TMEM86A: variants seen among roughly 807,000 people sequenced by gnomAD.
The protein encoded by TMEM86A is transmembrane protein 86A.
In TMEM86A, 13 loss-of-function variants were observed where a neutral mutation model predicts 19.8. That is an observed-to-expected ratio of 0.66 (90% CI 0.43 to 1.04). The LOEUF is 1.04. Among genes scored for constraint, TMEM86A ranks in the 50% least tolerant of loss-of-function variants. TMEM86A has a pLI of 0.00. For synonymous variants in TMEM86A, 128 were observed against 129.9 expected (o/e 0.99, Z 0.10); for missense variants, 248 against 306.8 (o/e 0.81, Z 1.43).
At position 18,701,452 on chromosome 11, in the gene TMEM86A, A is replaced by T. The variant is rs778529605; in HGVS notation, c.287-121A>T. On this transcript the variant is annotated intron_variant, in intron 2 of 2. Transcript: ENST00000280734. The surrounding 1 kb of genome is among the most constrained non-coding windows in gnomAD (Gnocchi z 5.3). ...GATCTTCCTACCCCTGTTATCCCAA[A>T]GCAAAGCTGCTGGGTTATCCCAAAC... 26 of 1,206,526 alleles carry T rather than the reference A, an allele frequency of 2.2e-5. No homozygotes were observed. Among genetic ancestry groups the T allele is most frequent in the Non-Finnish European group, 3.0e-5 (26 of 863,150 alleles). 74.7% of individuals were successfully genotyped at this position (1,206,526 alleles called of 1,614,324 possible).
chr11:18,700,652 T>C, intron 1 of TMEM86A: 1 of 521,142 alleles, frequency 1.9e-6, no homozygotes. Context: ...AAAGGGGCCC[T>C]GAGGAGGGAG....
chr11:18,701,920 A>G lies in TMEM86A; in HGVS notation c.634A>G (p.Thr212Ala), dbSNP rs755878488. Residue 212 changes from threonine to alanine, a missense_variant, in exon 3 of 3, where the codon ACC becomes GCC. By Grantham distance (58) the Thr-to-Ala change is moderately conservative. Transcript: ENST00000280734. The surrounding 1 kb of genome is among the most constrained non-coding windows in gnomAD (Gnocchi z 5.3). ...CTACTCTCGGGCGCTTATCATGTCC[A>G]CCTACTATGTGGCCCAGATGCTCGT... ...VPYSRALIMSTYYVAQMLVAL... is the reference protein window; with the variant it reads ...VPYSRALIMSAYYVAQMLVAL... The G allele has an allele frequency of 5.0e-6, 8 of 1,613,740 alleles. No individual in the cohort carries two copies. Among genetic ancestry groups the G allele is most frequent in the Non-Finnish European group, 6.8e-6 (8 of 1,179,984 alleles).
Position 18,701,491 on chromosome 11 carries a change from G to A in TMEM86A, c.287-82G>A, listed in dbSNP as rs1051209827. ...GTTATCCCAAACACTCCACTCCATC[G>A]CCACATCCATCCCTACCCCCACCCT... is the stretch of plus-strand genomic sequence containing the variant. On this transcript the variant is annotated intron_variant, in intron 2 of 2. Coordinates refer to ENST00000280734, the MANE Select transcript of TMEM86A (RefSeq NM_153347.3). The surrounding 1 kb of genome is among the most constrained non-coding windows in gnomAD (Gnocchi z 5.3). The A allele has an allele frequency of 1.1e-5, 15 of 1,421,512 alleles. No individual in the cohort carries two copies. The highest frequency in any genetic ancestry group is 5.5e-5 in the South Asian group (4 of 72,562). The allele number at this position is 1,421,512 out of a possible 1,614,324, so 88.1% of individuals were successfully genotyped here.
rs1375840244 is a variant in TMEM86A, at chr11:18,704,466, GCT to G, written c.*2459_*2460del. ...CTCCTGATGCCTGGGCTTGGCTGGA[GCT>G]CACATGAGGTGCTTTGATTTCTTCT... On this transcript the variant is annotated 3_prime_UTR_variant, in exon 3 of 3. Transcript: ENST00000280734. 6 of 1,547,098 alleles carry G rather than the reference GCT, an allele frequency of 3.9e-6. No homozygotes were observed. The highest frequency in any genetic ancestry group is 5.2e-6 in the Non-Finnish European group (6 of 1,143,108).
chr11:18,702,298 A>G lies in TMEM86A; in HGVS notation c.*289A>G, dbSNP rs1030525635. On this transcript the variant is annotated 3_prime_UTR_variant, in exon 3 of 3. Transcript: ENST00000280734. ...ACTTTCAAAACCCCCCTGGAAGGTG[A>G]TGGTGCTCAGCTTCTTGACACCCCC... The G allele has an allele frequency of 2.2e-6, 1 of 455,732 alleles. No homozygotes were observed. 28.2% of individuals were successfully genotyped at this position (455,732 alleles called of 1,614,324 possible). A position where few individuals can be genotyped will look rare whatever the true frequency, so the allele number is the denominator to read the frequency against.
chr11:18,701,098 C>T lies in TMEM86A; in HGVS notation c.187C>T (p.Leu63=), dbSNP rs752217167. ...FLLAHGLGFL[L]AHPSATRIFV... ...TCTGGCCCATGGCCTGGGATTCCTGCTGGCCCACCCCAGCGCCACCCGCAT... is the reference window on the plus strand; with the variant it reads ...TCTGGCCCATGGCCTGGGATTCCTGTTGGCCCACCCCAGCGCCACCCGCAT... Residue 63 remains leucine, a synonymous_variant, in exon 2 of 3, where the codon CTG becomes TTG. Coordinates refer to ENST00000280734, the MANE Select transcript of TMEM86A (RefSeq NM_153347.3). This position sits in a 1 kb window ranked among gnomAD's most constrained non-coding sequence, Gnocchi z 5.3. 3.1e-6 allele frequency: 5 copies of T among 1,614,158 alleles called. No individual in the cohort carries two copies. In the South Asian group the frequency reaches 4.4e-5, roughly 14 times the overall value.
Position 18,701,984 on chromosome 11 carries a change from A to G in TMEM86A, c.698A>G (p.His233Arg), listed in dbSNP as rs773381612. The G allele has an allele frequency of 6.2e-7, 1 of 1,608,382 alleles. No homozygotes were observed. The highest frequency in any genetic ancestry group is 1.1e-5 in the South Asian group (1 of 91,084). ...GTCGAAAGCCGGGAGCCTGTGGAAC[A>G]CTACAGACTGACCAAGGCCAACTGA... ...SAVESREPVE[H>R]YRLTKAN is the part of the protein sequence containing the mutation. The change falls in exon 3 of 3, where the codon CAC becomes CGC. Residue 233 changes from histidine to arginine, a missense_variant. Coordinates refer to ENST00000280734, the MANE Select transcript of TMEM86A (RefSeq NM_153347.3). This position sits in a 1 kb window ranked among gnomAD's most constrained non-coding sequence, Gnocchi z 5.3.
In TMEM86A at chr11:18,701,103, C is replaced by T; in HGVS notation, c.192C>T (p.Ala64=). The T allele has an allele frequency of 6.2e-7, 1 of 1,614,112 alleles. No individual in the cohort carries two copies. Among genetic ancestry groups the T allele is most frequent in the East Asian group, 2.2e-5 (1 of 44,884 alleles). The stretch of plus-strand genomic sequence containing the variant: ...CCCATGGCCTGGGATTCCTGCTGGC[C>T]CACCCCAGCGCCACCCGCATCTTTG... ...LLAHGLGFLL[A]HPSATRIFVG... Residue 64 remains alanine, a synonymous_variant, in exon 2 of 3, where the codon GCC becomes GCT. Coordinates refer to ENST00000280734, the MANE Select transcript of TMEM86A (RefSeq NM_153347.3). This position sits in a 1 kb window ranked among gnomAD's most constrained non-coding sequence, Gnocchi z 5.3.
Position 18,701,863 on chromosome 11 carries a change from A to G in TMEM86A, c.577A>G (p.Ile193Val), listed in dbSNP as rs772505526. 1 of 1,614,138 alleles carries G rather than the reference A, an allele frequency of 6.2e-7. No homozygotes were observed. Among genetic ancestry groups the G allele is most frequent in the Non-Finnish European group, 8.5e-7 (1 of 1,180,028 alleles). ...ALFFIISDLT[I>V]ALNKFCFPVP... is the part of the protein sequence containing the mutation. The stretch of plus-strand genomic sequence containing the variant: ...CTTCTTTATCATCTCAGACCTGACC[A>G]TCGCCCTCAACAAATTCTGTTTTCC... The change falls in exon 3 of 3, where the codon ATC becomes GTC. Residue 193 changes from isoleucine to valine, a missense_variant. Transcript: ENST00000280734. This position sits in a 1 kb window ranked among gnomAD's most constrained non-coding sequence, Gnocchi z 5.3.
At position 18,699,144 on chromosome 11, in the gene TMEM86A, A is replaced by C. The variant is rs1354943723; in HGVS notation, c.21+237A>C. Among the ~76,000 whole-genome samples, 1 of 152,096 alleles carries C rather than the reference A, an allele frequency of 6.6e-6. No individual in the cohort carries two copies. The highest frequency in any genetic ancestry group is 1.5e-5 in the Non-Finnish European group (1 of 68,000). ...GAGGGAGGAAAACACTGGCCACGTG[A>C]CTCGGAAGCGTGACTTTGTTGATCT... On this transcript the variant is annotated intron_variant, in intron 1 of 2. Transcript: ENST00000280734. This position sits in a 1 kb window ranked among gnomAD's most constrained non-coding sequence, Gnocchi z 4.0.
In TMEM86A at chr11:18,699,102, C is replaced by T. The variant is rs1178386900; in HGVS notation, c.21+195C>T. On this transcript the variant is annotated intron_variant, in intron 1 of 2. Coordinates refer to ENST00000280734, the MANE Select transcript of TMEM86A (RefSeq NM_153347.3). This position sits in a 1 kb window ranked among gnomAD's most constrained non-coding sequence, Gnocchi z 4.0. Reference sequence around the variant, plus strand: ...GACTCGCGGCGCCCCTCCTCGCGCGCCCCCAGCCCGCCCGCGGAGGGAGGA... The same window carrying T: ...GACTCGCGGCGCCCCTCCTCGCGCGTCCCCAGCCCGCCCGCGGAGGGAGGA... Among the ~76,000 whole-genome samples, 1 of 152,100 alleles carries T rather than the reference C, an allele frequency of 6.6e-6. No individual in the cohort carries two copies. Among genetic ancestry groups the T allele is most frequent in the East Asian group, 1.9e-4 (1 of 5,176 alleles).
At position 18,704,346 on chromosome 11, in the gene TMEM86A, C is replaced by T. The variant is rs1194075076; in HGVS notation, c.*2337C>T. ...TTACGTTTATTGCCCCATCCCTTCA[C>T]TGAATGTTTACATTAACAAACACCA... On this transcript the variant is annotated 3_prime_UTR_variant, in exon 3 of 3. Coordinates refer to ENST00000280734, the MANE Select transcript of TMEM86A (RefSeq NM_153347.3). 1 of 697,516 alleles carries T rather than the reference C, an allele frequency of 1.4e-6. No homozygotes were observed. Among genetic ancestry groups the T allele is most frequent in the African/African-American group, 1.8e-5 (1 of 55,590 alleles). 43.2% of individuals were successfully genotyped at this position (697,516 alleles called of 1,614,324 possible).
Position 18,701,219 on chromosome 11 carries a change from C to T in TMEM86A, c.286+22C>T. On this transcript the variant is annotated intron_variant, in intron 2 of 2. Transcript: ENST00000280734. This position sits in a 1 kb window ranked among gnomAD's most constrained non-coding sequence, Gnocchi z 5.3. ...CATGGTCAGTGGCCATAGTAGTTGC[C>T]TGGGAGGAGTCCTGGGGCTGGGGGA... 6.2e-7 allele frequency: 1 copy of T among 1,608,736 alleles called. No homozygotes were observed. The highest frequency in any genetic ancestry group is 8.5e-7 in the Non-Finnish European group (1 of 1,176,720).
chr11:18,701,163 C>T lies in TMEM86A; in HGVS notation c.252C>T (p.Phe84=), dbSNP rs749165167. ...TCTTCTCTGCTGTAGGTGACGCCTT[C>T]CTCATCTGGCAGGACCAAGGATACT... is the stretch of plus-strand genomic sequence containing the variant. ...GLVFSAVGDA[F]LIWQDQGYFV... The change falls in exon 2 of 3, where the codon TTC becomes TTT. Residue 84 remains phenylalanine, a synonymous_variant. Transcript: ENST00000280734. The surrounding 1 kb of genome is among the most constrained non-coding windows in gnomAD (Gnocchi z 5.3). 1 of 1,613,900 alleles carries T rather than the reference C, an allele frequency of 6.2e-7. No homozygotes were observed. Among genetic ancestry groups the T allele is most frequent in the Non-Finnish European group, 8.5e-7 (1 of 1,180,016 alleles).
rs774370640 is a variant in TMEM86A at position 18,701,525 on chromosome 11, T to C, written c.287-48T>C. 5.5e-5 allele frequency: 84 copies of C among 1,514,888 alleles called. No individual in the cohort carries two copies. The highest frequency in any genetic ancestry group is 6.8e-5 in the Non-Finnish European group (77 of 1,128,256). The allele number at this position is 1,514,888 out of a possible 1,614,324, so 93.8% of individuals were successfully genotyped here. ...ATCCCTACCCCCACCCTGTTACTCA[T>C]TCTTCATCAAGCTTGCCCTCAGCTG... is the stretch of plus-strand genomic sequence containing the variant. On this transcript the variant is annotated intron_variant, in intron 2 of 2. Coordinates refer to ENST00000280734, the MANE Select transcript of TMEM86A (RefSeq NM_153347.3). This position sits in a 1 kb window ranked among gnomAD's most constrained non-coding sequence, Gnocchi z 5.3.
rs1234371002 is a variant in TMEM86A at position 18,699,520 on chromosome 11, C to T, written c.21+613C>T. On this transcript the variant is annotated intron_variant, in intron 1 of 2. Coordinates refer to ENST00000280734, the MANE Select transcript of TMEM86A (RefSeq NM_153347.3). The surrounding 1 kb of genome is among the most constrained non-coding windows in gnomAD (Gnocchi z 4.0). Reference sequence around the variant, plus strand: ...CTGGGTTCCCTATAACTGTCAGGGTCTCTCCAGCTACTGCCAGTATCTCCT... The same window carrying T: ...CTGGGTTCCCTATAACTGTCAGGGTTTCTCCAGCTACTGCCAGTATCTCCT... 5.9e-5 allele frequency among the ~76,000 whole-genome samples: 9 copies of T among 152,200 alleles called. No individual in the cohort carries two copies. Among genetic ancestry groups the T allele is most frequent in the African/African-American group, 2.2e-4 (9 of 41,440 alleles).
chr11:18,703,965 CAATCCCT>C lies in TMEM86A; in HGVS notation c.*1957_*1963del. ...TTTGAAACTTAGTGAGCTGGATGAT[CAATCCCT>C]TCTAGCTCTGAACCCTGGACACTAA... is the stretch of plus-strand genomic sequence containing the variant. On this transcript the variant is annotated 3_prime_UTR_variant, in exon 3 of 3. Coordinates refer to ENST00000280734, the MANE Select transcript of TMEM86A (RefSeq NM_153347.3). 1 of 152,650 alleles carries C rather than the reference CAATCCCT, an allele frequency of 6.6e-6. No individual in the cohort carries two copies. The highest frequency in any genetic ancestry group is 2.1e-4 in the South Asian group (1 of 4,830). The allele number at this position is 152,650 out of a possible 1,614,324, so 9.5% of individuals were successfully genotyped here. A position where few individuals can be genotyped will look rare whatever the true frequency, so the allele number is the denominator to read the frequency against.
In TMEM86A at chr11:18,702,059, T is replaced by G; in HGVS notation, c.*50T>G. On this transcript the variant is annotated 3_prime_UTR_variant, in exon 3 of 3. Coordinates refer to ENST00000280734, the MANE Select transcript of TMEM86A (RefSeq NM_153347.3). ...TCTCCTCCTGGGGCTGGGGCCCAGA[T>G]CCTGGGGACCTGCAGGAGCTGGATC... The G allele has an allele frequency of 6.4e-7, 1 of 1,569,122 alleles. No homozygotes were observed. The highest frequency in any genetic ancestry group is 1.1e-5 in the South Asian group (1 of 88,702).
rs1848150048 is a variant in TMEM86A, at chr11:18,701,588, C to A, written c.302C>A (p.Ala101Asp). Reference protein sequence around the residue: ...GYFVHGLLMFAVTHMFYASAF... With the variant: ...GYFVHGLLMFDVTHMFYASAF... ...TTACCCCCAGGTCTGCTGATGTTTG[C>A]TGTGACCCACATGTTCTACGCCTCG... The change falls in exon 3 of 3, where the codon GCT becomes GAT. Residue 101 changes from alanine to aspartate, a missense_variant. Transcript: ENST00000280734. The surrounding 1 kb of genome is among the most constrained non-coding windows in gnomAD (Gnocchi z 5.3). 3 of 1,556,520 alleles carry A rather than the reference C, an allele frequency of 1.9e-6. No homozygotes were observed. Among genetic ancestry groups the A allele is most frequent in the Non-Finnish European group, 2.6e-6 (3 of 1,150,328 alleles).
Sources: gnomAD v4.1 joint callset for allele counts (sites outside exome capture counted in the v4.1 genomes callset) on GRCh38, gnomAD v4.1.1 for gene constraint, Gnocchi (gnomAD v3.1) non-coding constraint, MANE v1.5 for transcripts, NCBI Gene and HGNC (gene_info 2026-07-23, HGNC 2026-07-21) for gene names.